TYR: variants seen among roughly 807,000 people sequenced by gnomAD.
TYR encodes tyrosinase.
Under a neutral mutation model 51.5 loss-of-function variants are expected in TYR, and 58 were observed. That is an observed-to-expected ratio of 1.13 (90% CI 0.91 to 1.40). TYR has a LOEUF of 1.40. TYR is among the 40% of genes most tolerant of loss of function. The pLI is 0.00. For missense variants in TYR, 732 were observed against 647.4 expected (o/e 1.13, Z -1.42); for synonymous variants, 263 against 235.2 (o/e 1.12, Z -1.08).
chr11:89,242,324 C>T (rs1944208341), intron 3 of TYR, among the ~76,000 whole-genome samples: 2 of 152,242 alleles, frequency 1.3e-5, no homozygotes, highest in South Asian at 2.1e-4. Context: ...TCTTCTTCCC[C>T]AGCCTCCTGA....
At chr11:89,203,768 A>C (rs1315129350) in intron 2 of TYR, among the ~76,000 whole-genome samples, 1 of 152,192 alleles carries the variant, frequency 6.6e-6, no homozygotes, top group Non-Finnish European at 1.5e-5. Flanking sequence ...AAACAAAACA[A>C]AACAGAAAGA....
intron 2 of TYR, among the ~76,000 whole-genome samples, chr11:89,206,243 A>C (rs947968425): frequency 3.9e-5 from 6 of 152,114 alleles, no homozygotes; most frequent in African/African-American, 1.4e-4. Flanking sequence ...AATGACCTAT[A>C]TTGAGCCTAG....
intron 3 of TYR, among the ~76,000 whole-genome samples, chr11:89,277,601 A>C (rs750608157): frequency 1.3e-5 from 2 of 151,724 alleles, no homozygotes; most frequent in Non-Finnish European, 2.9e-5. Context: ...TCTCAAAAAC[A>C]TCTTACAGCA....
At chr11:89,196,992 A>T (rs1422307988) in intron 2 of TYR, among the ~76,000 whole-genome samples, 1 of 152,192 alleles carries the variant, frequency 6.6e-6, no homozygotes, top group Non-Finnish European at 1.5e-5. Flanking sequence ...TAAATACATA[A>T]AATGGTAATT....
At chr11:89,228,528 G>T (rs1944004821) in intron 3 of TYR, among the ~76,000 whole-genome samples, 1 of 152,186 alleles carries the variant, frequency 6.6e-6, no homozygotes, top group Admixed American at 6.5e-5. Flanking sequence ...GGCCATGTGG[G>T]CCTGGCACTA....
At chr11:89,236,038 G>A (rs778224063) in intron 3 of TYR, among the ~76,000 whole-genome samples, 5 of 151,954 alleles carry the variant, frequency 3.3e-5, no homozygotes, top group Non-Finnish European at 7.4e-5. Context: ...TTATAAATAA[G>A]GTTTTATTGG....
rs187391687 is a variant in TYR at position 89,245,689 on chromosome 11, A to G, written c.1184+17719A>G. ...TGTAATCCCAGCACTTTGGGAGGCC[A>G]AGGCGGGCGGATTATGAGGTCAGGA... On this transcript the variant is annotated intron_variant, in intron 3 of 4. Coordinates refer to ENST00000263321, the MANE Select transcript of TYR (RefSeq NM_000372.5). Among the ~76,000 whole-genome samples the G allele has an allele frequency of 2.0e-3, 305 of 152,196 alleles. 1 individual carries two copies. Among genetic ancestry groups the G allele is most frequent in the African/African-American group, 6.8e-3 (283 of 41,544 alleles).
chr11:89,262,872 A>AC (rs1944478033), intron 3 of TYR, among the ~76,000 whole-genome samples: 1 of 127,894 alleles, frequency 7.8e-6, no homozygotes, highest in Non-Finnish European at 1.6e-5. Flanking sequence ...AAAAAAAAAA[A>AC]CAACAACAAC....
At position 89,273,895 on chromosome 11, in the gene TYR, G is replaced by T. The variant is rs145531509; in HGVS notation, c.1185-10878G>T. On this transcript the variant is annotated intron_variant, in intron 3 of 4. Transcript: ENST00000263321. ...TAGTCTCCTCTCCATCCCTGCCCAT[G>T]CTCAAATTTCCTCTTCTTCTAAGGA... Among the ~76,000 whole-genome samples the T allele has an allele frequency of 3.5e-4, 53 of 151,866 alleles. 1 individual carries two copies. The highest frequency in any genetic ancestry group is 1.2e-3 in the African/African-American group (49 of 41,508).
intron 3 of TYR, among the ~76,000 whole-genome samples, chr11:89,257,957 C>G (rs1485881779): frequency 6.6e-6 from 1 of 151,976 alleles, no homozygotes; most frequent in Non-Finnish European, 1.5e-5. Context: ...AGCAACACCC[C>G]AAAAGTATCT....
In TYR at chr11:89,178,066, C is replaced by T. The variant is rs759624945; in HGVS notation, c.113C>T (p.Pro38Leu). 24 of 1,614,114 alleles carry T rather than the reference C, an allele frequency of 1.5e-5. No homozygotes were observed. In the Admixed American group the frequency reaches 2.0e-4, roughly 13 times the overall value. ...CTGATGGAGAAGGAATGCTGTCCAC[C>T]GTGGAGCGGGGACAGGAGTCCCTGT... ...KNLMEKECCP[P>L]WSGDRSPCGQ... is the part of the protein sequence containing the mutation. Residue 38 changes from proline (P) to leucine (L), a missense_variant, in exon 1 of 5, where the codon CCG becomes CTG. Pro to Leu is a moderately conservative substitution (Grantham distance 98). Coordinates refer to ENST00000263321, the MANE Select transcript of TYR (RefSeq NM_000372.5).
intron 3 of TYR, among the ~76,000 whole-genome samples, chr11:89,246,261 G>C (rs1446006867): frequency 6.6e-6 from 1 of 152,152 alleles, no homozygotes; most frequent in Non-Finnish European, 1.5e-5. Flanking sequence ...ATTATGTCCT[G>C]GGTCTGCTTC....
intron 2 of TYR, among the ~76,000 whole-genome samples, chr11:89,218,994 C>T (rs1483001946): frequency 6.6e-6 from 1 of 152,160 alleles, no homozygotes; most frequent in Non-Finnish European, 1.5e-5. Context: ...TGCCTGAGGT[C>T]CCTCACTTAC....
At chr11:89,262,620 AAG>A (rs1234779750) in intron 3 of TYR, among the ~76,000 whole-genome samples, 2 of 149,990 alleles carry the variant, frequency 1.3e-5, no homozygotes, top group East Asian at 3.9e-4. Flanking sequence ...AAAAAAAAAA[AAG>A]AAGATTCAAA....
chr11:89,282,869 T>C (rs1565422982), intron 3 of TYR, among the ~76,000 whole-genome samples: 1 of 151,784 alleles, frequency 6.6e-6, no homozygotes, highest in East Asian at 1.9e-4. Flanking sequence ...TCCAGTATAG[T>C]CATAATACTT....
chr11:89,178,811 A>C, intron 1 of TYR, 39 bp downstream of exon 1: 1 of 1,602,496 alleles, frequency 6.2e-7, no homozygotes, highest in Non-Finnish European at 8.5e-7. Flanking sequence ...AGTAGGGAGG[A>C]ACCTTAACAA....
At chr11:89,245,390 G>A (rs1944251375) in intron 3 of TYR, among the ~76,000 whole-genome samples, 1 of 152,156 alleles carries the variant, frequency 6.6e-6, no homozygotes, top group Non-Finnish European at 1.5e-5. Flanking sequence ...ACTAAATACT[G>A]TTTCATAAAG....
chr11:89,236,035 T>C (rs926763107), intron 3 of TYR, among the ~76,000 whole-genome samples: 1 of 152,152 alleles, frequency 6.6e-6, no homozygotes, highest in Admixed American at 6.6e-5. Context: ...TTTTTATAAA[T>C]AAGGTTTTAT....
chr11:89,239,377 A>T (rs571170128), intron 3 of TYR, among the ~76,000 whole-genome samples: 9 of 152,060 alleles, frequency 5.9e-5, no homozygotes, highest in Admixed American at 2.6e-4. Context: ...GTAGTCTCTT[A>T]TGATTTTTAT....
Sources: gnomAD v4.1 joint callset for allele counts (sites outside exome capture counted in the v4.1 genomes callset) on GRCh38, gnomAD v4.1.1 for gene constraint, MANE v1.5 for transcripts, NCBI Gene and HGNC (gene_info 2026-07-23, HGNC 2026-07-21) for gene names.